ARSG: variants seen among roughly 807,000 people sequenced by gnomAD.
ARSG encodes arylsulfatase G.
ARSG carries 37 observed loss-of-function variants against 50.5 expected under a neutral mutation model. The ratio of observed to expected loss-of-function variants is 0.73; its 90% CI spans 0.56 to 0.96. ARSG has a LOEUF of 0.96. Ranked by LOEUF, ARSG falls within the 50% of genes least tolerant of loss-of-function variation. The probability of loss-of-function intolerance (pLI) is 0.00; values close to 1 mark genes in which losing one functional copy is unlikely to be tolerated. For missense variants in ARSG, 629 were observed against 675.3 expected, an observed-to-expected ratio of 0.93 and a Z score of 0.76; for synonymous variants, 225 against 254.6, an observed-to-expected ratio of 0.88 and a Z score of 1.11.
downstream of ARSG, chr17:68,427,373 T>C (rs1337556847): frequency 6.4e-6 from 5 of 776,116 alleles, no homozygotes; most frequent in Non-Finnish European, 1.0e-5. Context: ...TTATTTATTT[T>C]TGAGGCAGGG....
At chr17:68,273,808 A>T in intron 1 of ARSG, 1 of 1,224,358 alleles carries the variant, frequency 8.2e-7, no homozygotes, top group Non-Finnish European at 1.1e-6. Flanking sequence ...AGACACTGTT[A>T]ATGTTAAAGA....
intron 2 of ARSG, among the ~76,000 whole-genome samples, chr17:68,335,924 A>T (rs1408482869): frequency 1.3e-5 from 2 of 152,088 alleles, no homozygotes; most frequent in Non-Finnish European, 2.9e-5. Flanking sequence ...TTTGAGATGG[A>T]GTCTCACTCT....
In ARSG at chr17:68,336,088, G is replaced by C. The variant is rs146741523; in HGVS notation, c.219-7516G>C. Among the ~76,000 whole-genome samples, 1,251 of 144,888 alleles carry C rather than the reference G, an allele frequency of 8.6e-3. 16 individuals are homozygous for C. Among genetic ancestry groups the C allele is most frequent in the African/African-American group, 0.03 (1,190 of 39,104 alleles). ...TAATTTTTGTATTTTTAGTAGAGAC[G>C]GGGTTTCACTACGTTGGCCAGGATG... On this transcript the variant is annotated intron_variant, in intron 2 of 11. Transcript: ENST00000621439.
Position 68,381,228 on chromosome 17 carries a change from C to A in ARSG, c.983-3836C>A, listed in dbSNP as rs1321919430. ...GTCTTCCCCGGCCTGCCCCTGTCTT[C>A]ATGCATCATAAAATGCCACTTCACT... On this transcript the variant is annotated intron_variant, in intron 8 of 11. Transcript: ENST00000621439. This position sits in a 1 kb window ranked among gnomAD's most constrained non-coding sequence, Gnocchi z 4.1. Among the ~76,000 whole-genome samples, 2 of 152,250 alleles carry A rather than the reference C, an allele frequency of 1.3e-5. No individual in the cohort carries two copies. The highest frequency in any genetic ancestry group is 1.3e-4 in the Admixed American group (2 of 15,288).
chr17:68,314,498 C>G (rs1555767848), intron 2 of ARSG, among the ~76,000 whole-genome samples: 1 of 149,722 alleles, frequency 6.7e-6, no homozygotes, highest in African/African-American at 2.5e-5. Context: ...TGTACTCCAG[C>G]CTGGGCAACA....
chr17:68,369,836 A>T (rs1388023911), intron 7 of ARSG, among the ~76,000 whole-genome samples: 1 of 152,114 alleles, frequency 6.6e-6, no homozygotes. Flanking sequence ...CTGAAACCTT[A>T]CAAAAAGGCA....
At chr17:68,447,984 C>CAAAAAA in the ARSG span, among the ~76,000 whole-genome samples, 7 of 80,240 alleles carry the variant, frequency 8.7e-5, no homozygotes, top group Admixed American at 1.4e-4. Context: ...GACTCTATCT[C>CAAAAAA]AAAAAAAAAA....
At chr17:68,309,202 G>A (rs1033036425) in intron 2 of ARSG, among the ~76,000 whole-genome samples, 5 of 152,224 alleles carry the variant, frequency 3.3e-5, no homozygotes, top group Admixed American at 6.5e-5. Flanking sequence ...TGGCTGCTCC[G>A]AGTGCGGGGC....
downstream of ARSG, chr17:68,427,275 AGGTG>A: frequency 1.9e-6 from 3 of 1,584,166 alleles, no homozygotes; most frequent in Admixed American, 3.4e-5. Context: ...AATCAAGAGG[AGGTG>A]AAAGAAAAAA....
At chr17:68,449,096 A>T in the ARSG span, among the ~76,000 whole-genome samples, 3 of 152,342 alleles carry the variant, frequency 2.0e-5, no homozygotes, top group Non-Finnish European at 2.9e-5. Context: ...AAAAAAAATT[A>T]ATTAGTACTT....
chr17:68,405,758 A>G (rs1222682462), intron 11 of ARSG, among the ~76,000 whole-genome samples: 1 of 152,112 alleles, frequency 6.6e-6, no homozygotes, highest in Non-Finnish European at 1.5e-5. Flanking sequence ...TTAATATATT[A>G]TGTCCTTCTC....
intron 6 of ARSG, among the ~76,000 whole-genome samples, chr17:68,361,070 C>T (rs1416410506): frequency 1.3e-5 from 2 of 152,184 alleles, no homozygotes; most frequent in Non-Finnish European, 2.9e-5. Flanking sequence ...GGTGATCTAC[C>T]TGCCTCGGCC....
intron 2 of ARSG, among the ~76,000 whole-genome samples, chr17:68,338,254 C>G (rs146345070): frequency 6.6e-6 from 1 of 152,240 alleles, no homozygotes; most frequent in East Asian, 1.9e-4. Flanking sequence ...CCACACCTGT[C>G]TTTGGATGGT....
At chr17:68,347,075 G>A (rs761022749) in intron 3 of ARSG, 50 bp from the exon 4 acceptor site, 7 of 1,602,726 alleles carry the variant, frequency 4.4e-6, no homozygotes, top group Middle Eastern at 1.7e-4. Context: ...AGGGGGCTGT[G>A]GTACCCCTAT....
chr17:68,392,905 A>G lies in ARSG; in HGVS notation c.1092-2168A>G, dbSNP rs572593209. ...AAACTAGATCTTTTATAACACAGAG[A>G]CCCGCCTAATGGAAAAGGCAGTGAA... On this transcript the variant is annotated intron_variant, in intron 9 of 11. Transcript: ENST00000621439. Among the ~76,000 whole-genome samples, 6 of 152,286 alleles carry G rather than the reference A, an allele frequency of 3.9e-5. No individual in the cohort carries two copies. In the East Asian group the frequency reaches 7.7e-4, roughly 20 times the overall value.
chr17:68,374,549 T>C (rs1351396827), intron 8 of ARSG, among the ~76,000 whole-genome samples: 1 of 152,080 alleles, frequency 6.6e-6, no homozygotes. Context: ...GAGGGAATGA[T>C]GAGAAATACA....
At chr17:68,286,196 C>T (rs1476486055) in intron 1 of ARSG, among the ~76,000 whole-genome samples, 2 of 152,200 alleles carry the variant, frequency 1.3e-5, no homozygotes, top group African/African-American at 4.8e-5. Flanking sequence ...GTCTGGCCAG[C>T]ACTGAAGTTC....
chr17:68,444,367 T>C, the ARSG span: 2 of 810,492 alleles, frequency 2.5e-6, no homozygotes, highest in Non-Finnish European at 4.1e-6. Flanking sequence ...AGCTTCGAGA[T>C]AAACCTCACT....
intron 2 of ARSG, among the ~76,000 whole-genome samples, chr17:68,321,433 A>T (rs1456554216): frequency 5.9e-5 from 9 of 152,166 alleles, no homozygotes; most frequent in Admixed American, 3.9e-4. Context: ...GCTACTTTCC[A>T]GTTCCCATCT....
Sources: gnomAD v4.1 joint callset for allele counts (sites outside exome capture counted in the v4.1 genomes callset) on GRCh38, gnomAD v4.1.1 for gene constraint, Gnocchi (gnomAD v3.1) non-coding constraint, MANE v1.5 for transcripts, NCBI Gene and HGNC (gene_info 2026-07-23, HGNC 2026-07-21) for gene names.